TREH: variants seen among roughly 807,000 people sequenced by gnomAD.
The protein encoded by TREH is alpha,alpha-trehalose glucohydrolase.
A neutral mutation model predicts 80.5 loss-of-function variants in TREH; 69 were observed. That is an observed-to-expected ratio of 0.86 (90% confidence interval 0.71 to 1.05). The LOEUF is 1.05. Ranked by LOEUF, TREH falls within the 50% of genes least tolerant of loss-of-function variation. The probability of loss-of-function intolerance (pLI) is 0.00; values close to 1 mark genes in which losing one functional copy is unlikely to be tolerated. For synonymous variants in TREH, 309 were observed against 293.5 expected, an observed-to-expected ratio of 1.05 and a Z score of -0.54; for missense variants, 716 against 718.8, an observed-to-expected ratio of 1.00 and a Z score of 0.04.
intron 1 of TREH, among the ~76,000 whole-genome samples, chr11:118,675,422 C>T (rs1262778522): frequency 6.6e-6 from 1 of 152,210 alleles, no homozygotes; most frequent in African/African-American, 2.4e-5. Context: ...GCCACCTGCA[C>T]TTATTACCAA....
chr11:118,662,839 G>A (rs1555145220), intron 4 of TREH, 42 bp downstream of exon 4: 1 of 1,550,494 alleles, frequency 6.4e-7, no homozygotes. Context: ...CCTCTCTTCA[G>A]TTCCCTTGGT....
intron 12 of TREH, 93 bp from the exon 13 acceptor site, chr11:118,659,110 G>T (rs1949271131): frequency 7.5e-7 from 1 of 1,336,860 alleles, no homozygotes; most frequent in Non-Finnish European, 1.1e-6. Context: ...AGGGAAAGAG[G>T]CCTGGGCCCT....
intron 1 of TREH, among the ~76,000 whole-genome samples, chr11:118,677,949 C>T (rs549834564): frequency 6.6e-6 from 1 of 152,286 alleles, no homozygotes; most frequent in East Asian, 1.9e-4. Context: ...CACTTTTCCC[C>T]TTTATATTCC....
At chr11:118,666,318 GA>G (rs1322883265) in intron 1 of TREH, among the ~76,000 whole-genome samples, 2 of 152,216 alleles carry the variant, frequency 1.3e-5, no homozygotes, top group Non-Finnish European at 2.9e-5. Context: ...GTTATACAAT[GA>G]GGGGAATCCA....
In TREH at chr11:118,658,376, G is replaced by T; in HGVS notation, c.1665C>A (p.Thr555=). 6.2e-7 allele frequency: 1 copy of T among 1,608,712 alleles called. No homozygotes were observed. Among genetic ancestry groups the T allele is most frequent in the Non-Finnish European group, 8.5e-7 (1 of 1,178,258 alleles). The change falls in exon 15 of 15, where the codon ACC becomes ACA. Residue 555 remains threonine, a synonymous_variant. Transcript: ENST00000264029. ...MLLDRYGDRL[T]SGAKLAFLEP... The stretch of plus-strand genomic sequence containing the variant: ...CCAGGAAAGCCAGCTTGGCCCCTGA[G>T]GTCAGCCGGTCACCATAGCGGTCCA...
chr11:118,669,947 A>G (rs2137278953), intron 1 of TREH, among the ~76,000 whole-genome samples: 1 of 152,284 alleles, frequency 6.6e-6, no homozygotes, highest in Admixed American at 6.5e-5. Flanking sequence ...GCATGCCTGT[A>G]TCAAAATATC....
Position 118,661,022 on chromosome 11 carries a change from C to T in TREH, c.858-107G>A. 1 of 1,553,068 alleles carries T rather than the reference C, an allele frequency of 6.4e-7. No individual in the cohort carries two copies. Among genetic ancestry groups the T allele is most frequent in the Non-Finnish European group, 8.7e-7 (1 of 1,144,542 alleles). On this transcript the variant is annotated intron_variant, in intron 8 of 14. Transcript: ENST00000264029. This position sits in a 1 kb window ranked among gnomAD's most constrained non-coding sequence, Gnocchi z 4.2. ...ATCCAGCTGCCCTTGGGCCCCACAG[C>T]CCAGGATTGCAGAGGGCTCTCGGTG... is the stretch of plus-strand genomic sequence containing the variant.
At chr11:118,676,190 G>A (rs2137289356) in intron 1 of TREH, among the ~76,000 whole-genome samples, 1 of 152,300 alleles carries the variant, frequency 6.6e-6, no homozygotes, top group African/African-American at 2.4e-5. Context: ...GGCCTTTCTG[G>A]CACGGCCTGC....
rs367691202 is a variant in TREH at position 118,663,408 on chromosome 11, G to T, written c.121C>A (p.Gln41Lys). The T allele has an allele frequency of 3.3e-5, 53 of 1,593,404 alleles. No homozygotes were observed. Among genetic ancestry groups the T allele is most frequent in the Non-Finnish European group, 4.3e-5 (50 of 1,169,880 alleles). ...TGGTAGAGCTTGGCCATTTGAACTT[G>T]GTTTAGGAGCTCCCCGTGGCAGTAA... ...EIYCHGELLN[Q>K]VQMAKLYQDD... Residue 41 changes from glutamine (Q) to lysine (K), a missense_variant, in exon 2 of 15, where the codon CAA becomes AAA. By Grantham distance (53) the Gln-to-Lys change is moderately conservative. Coordinates refer to ENST00000264029, the MANE Select transcript of TREH (RefSeq NM_007180.3).
intron 1 of TREH, among the ~76,000 whole-genome samples, chr11:118,665,268 T>G (rs1949365695): frequency 6.6e-6 from 1 of 152,058 alleles, no homozygotes; most frequent in African/African-American, 2.4e-5. Flanking sequence ...CTCAACTACT[T>G]TTTTCCTACC....
At chr11:118,678,653 C>A (rs1246307323) in intron 1 of TREH, among the ~76,000 whole-genome samples, 1 of 151,048 alleles carries the variant, frequency 6.6e-6, no homozygotes, top group South Asian at 2.1e-4. Context: ...CATGAGCCAC[C>A]GTGCCCAGCT....
chr11:118,672,062 A>C (rs1394517620), intron 1 of TREH, among the ~76,000 whole-genome samples: 2 of 152,228 alleles, frequency 1.3e-5, no homozygotes, highest in Non-Finnish European at 2.9e-5. Context: ...GAAATACTGA[A>C]GAGTATACTT....
In TREH at chr11:118,661,611, G is replaced by C; in HGVS notation, c.617+26C>G. Reference sequence around the variant, plus strand: ...CACACCTGCCTCTCCTCCCCACCTAGGCTGGAGGTGCCTGGCCCCCCTCAC... The same window carrying C: ...CACACCTGCCTCTCCTCCCCACCTACGCTGGAGGTGCCTGGCCCCCCTCAC... On this transcript the variant is annotated intron_variant, in intron 6 of 14. Coordinates refer to ENST00000264029, the MANE Select transcript of TREH (RefSeq NM_007180.3). This position sits in a 1 kb window ranked among gnomAD's most constrained non-coding sequence, Gnocchi z 4.2. 6.2e-7 allele frequency: 1 copy of C among 1,613,812 alleles called. No individual in the cohort carries two copies. The highest frequency in any genetic ancestry group is 8.5e-7 in the Non-Finnish European group (1 of 1,179,810).
chr11:118,658,663 A>T lies in TREH; in HGVS notation c.1599+17T>A, dbSNP rs782807978. On this transcript the variant is annotated intron_variant, in intron 14 of 14. Transcript: ENST00000264029. Reference sequence around the variant, plus strand: ...GGAGTTCCCTGGTGTTGGCCAGCCCACCCCTGGCCTGCTCACCTGAACTTC... The same window carrying T: ...GGAGTTCCCTGGTGTTGGCCAGCCCTCCCCTGGCCTGCTCACCTGAACTTC... 6.3e-7 allele frequency: 1 copy of T among 1,577,076 alleles called. No individual in the cohort carries two copies. Among genetic ancestry groups the T allele is most frequent in the Admixed American group, 1.8e-5 (1 of 54,558 alleles).
At chr11:118,664,946 T>G (rs1555145548) in intron 1 of TREH, among the ~76,000 whole-genome samples, 1 of 151,826 alleles carries the variant, frequency 6.6e-6, no homozygotes, top group Non-Finnish European at 1.5e-5. Flanking sequence ...CCATCTCCAC[T>G]AAAAATACAA....
At chr11:118,676,794 A>C (rs1251493603) in intron 1 of TREH, among the ~76,000 whole-genome samples, 1 of 151,410 alleles carries the variant, frequency 6.6e-6, no homozygotes, top group Non-Finnish European at 1.5e-5. Context: ...AGAAAAAAAC[A>C]ACAACAAAAA....
Position 118,659,010 on chromosome 11 carries a change from G to A in TREH, c.1440C>T (p.Ala480=). The change falls in exon 13 of 15, where the codon GCC becomes GCT. Residue 480 remains alanine (A), a synonymous_variant. Transcript: ENST00000264029. The part of the protein sequence containing the change: ...PLQDLVIRGL[A]KAPLRRAQEV... The stretch of plus-strand genomic sequence containing the variant: ...CCTGGGCCCGACGTAAAGGTGCCTT[G>A]GCCAGGCCTAGACCCCATTGCAGGC... 1.2e-6 allele frequency: 2 copies of A among 1,613,706 alleles called. No individual in the cohort carries two copies. The highest frequency in any genetic ancestry group is 8.5e-7 in the Non-Finnish European group (1 of 1,179,846).
intron 12 of TREH, 82 bp downstream of exon 12, chr11:118,659,288 T>C: frequency 8.2e-7 from 1 of 1,226,568 alleles, no homozygotes; most frequent in East Asian, 2.6e-5. Flanking sequence ...TTGTGTCTTT[T>C]GTTCATGCCT....
At chr11:118,660,160 C>G (rs45447797) in intron 10 of TREH, among the ~76,000 whole-genome samples, 196 bp from the exon 11 acceptor site, 4,439 of 152,340 alleles carry the variant, frequency 0.029, 113 homozygotes, top group Non-Finnish European at 0.041. Flanking sequence ...CAGGGAACCA[C>G]TGGAGCTGAT....
Sources: allele counts gnomAD v4.1 joint callset (sites outside exome capture counted in the v4.1 genomes callset), GRCh38; gene constraint gnomAD v4.1.1; non-coding constraint Gnocchi (gnomAD v3.1); transcripts MANE v1.5; gene names NCBI Gene and HGNC (gene_info 2026-07-23, HGNC 2026-07-21).